CPEB1: variants seen among roughly 807,000 people sequenced by gnomAD.
CPEB1 encodes cytoplasmic polyadenylation element-binding protein 1.
CPEB1 carries 7 observed loss-of-function variants against 65.8 expected under a neutral mutation model. That is an observed-to-expected ratio of 0.11 (90% confidence interval 0.06 to 0.20). The LOEUF is 0.20. CPEB1 is among the 10% of genes least tolerant of loss of function. The pLI, the probability that CPEB1 is intolerant of heterozygous loss-of-function variation, is 1.00. For synonymous variants in CPEB1, 262 were observed against 260.0 expected (o/e 1.01, Z -0.08); for missense variants, 551 against 712.2 (o/e 0.77, Z 2.58).
chr15:82,576,065 C>A (rs1261846823), intron 3 of CPEB1, among the ~76,000 whole-genome samples: 1 of 152,146 alleles, frequency 6.6e-6, no homozygotes, highest in South Asian at 2.1e-4. Flanking sequence ...ATCACCCAAA[C>A]GTGGATTCAG....
At chr15:82,629,201 T>C (rs1453918607) in intron 1 of CPEB1, 6 of 920,328 alleles carry the variant, frequency 6.5e-6, no homozygotes, top group Middle Eastern at 5.5e-4. Flanking sequence ...GTTTCCCCAT[T>C]TGTGAAATGG....
intron 1 of CPEB1, chr15:82,629,671 G>A: frequency 3.0e-6 from 3 of 984,658 alleles, no homozygotes; most frequent in Non-Finnish European, 3.6e-6. Context: ...TGCCTCATCA[G>A]TTCTATTATC....
intron 4 of CPEB1, chr15:82,562,192 G>GT: frequency 2.3e-6 from 1 of 443,174 alleles, no homozygotes; most frequent in South Asian, 1.6e-5. Context: ...CTTCACATCT[G>GT]TTTGTCTTCA....
chr15:82,617,878 C>T (rs1312906871), intron 3 of CPEB1, among the ~76,000 whole-genome samples: 2 of 146,528 alleles, frequency 1.4e-5, no homozygotes, highest in East Asian at 2.0e-4. Flanking sequence ...GGACTACAGG[C>T]GCCCGCCACT....
chr15:82,549,230 G>A (rs567704509), intron 10 of CPEB1, among the ~76,000 whole-genome samples: 1 of 152,326 alleles, frequency 6.6e-6, no homozygotes, highest in African/African-American at 2.4e-5. Flanking sequence ...ATCACCTCCT[G>A]TAGTCTCCAA....
chr15:82,589,082 T>C (rs1480971728), intron 3 of CPEB1, among the ~76,000 whole-genome samples: 1 of 152,242 alleles, frequency 6.6e-6, no homozygotes, highest in Non-Finnish European at 1.5e-5. Flanking sequence ...ATTTTGTCTC[T>C]ATTATTACCA....
rs1157255592 is a variant in CPEB1, at chr15:82,628,441, T to C, written c.19A>G (p.Thr7Ala). 2.8e-6 allele frequency: 2 copies of C among 702,798 alleles called. No homozygotes were observed. The highest frequency in any genetic ancestry group is 3.5e-5 in the African/African-American group (2 of 57,236). The allele number at this position is 702,798 out of a possible 1,614,324, so 43.5% of individuals were successfully genotyped here. ...CCAGACATGGAAGACGATGTTGAAGTAGCAATGCCAGAAAACATATTGACA... is the reference window on the plus strand; with the variant it reads ...CCAGACATGGAAGACGATGTTGAAGCAGCAATGCCAGAAAACATATTGACA... MFSGIA[T>A]STSSSMSGTG... Residue 7 changes from threonine to alanine, a missense_variant, in exon 2 of 13, where the codon ACT becomes GCT. Coordinates refer to ENST00000684509, the MANE Select transcript of CPEB1 (RefSeq NM_001365242.1).
rs1441178936 is a variant in CPEB1 at position 82,544,399 on chromosome 15, C to T, written c.*193G>A. On this transcript the variant is annotated 3_prime_UTR_variant, in exon 13 of 13. Transcript: ENST00000684509. ...TTGCCCTTGGTACACCCCCTGAAAA[C>T]AAAACCTGACAAAACTCAATGTGCA... is the stretch of plus-strand genomic sequence containing the variant. The T allele has an allele frequency of 4.8e-6, 2 of 414,894 alleles. No homozygotes were observed. Among genetic ancestry groups the T allele is most frequent in the Non-Finnish European group, 8.8e-6 (2 of 226,732 alleles). 25.7% of individuals were successfully genotyped at this position (414,894 alleles called of 1,614,324 possible). A position where few individuals can be genotyped will look rare whatever the true frequency, so the allele number is the denominator to read the frequency against.
intron 8 of CPEB1, among the ~76,000 whole-genome samples, chr15:82,553,250 T>G (rs2036589440): frequency 6.6e-6 from 1 of 152,176 alleles, no homozygotes; most frequent in Admixed American, 6.5e-5. Flanking sequence ...CTCCCACTGC[T>G]GTGTAAGTCT....
In CPEB1 at chr15:82,553,958, T is replaced by G; in HGVS notation, c.974A>C (p.Gln325Pro). ...VNEATCTWSG[Q>P]LPPRNYKNPI... Reference sequence around the variant, plus strand: ...GTTCTTATAGTTCCGGGGAGGAAGCTGGCCACTCCAGGTACAGGTGGCTTC... The same window carrying G: ...GTTCTTATAGTTCCGGGGAGGAAGCGGGCCACTCCAGGTACAGGTGGCTTC... Residue 325 changes from glutamine (Q) to proline (P), a missense_variant, in exon 7 of 13, where the codon CAG (glutamine) becomes CCG (proline). Physicochemically the swap from Gln to Pro is moderately conservative, Grantham distance 76. Around this residue, in one of 6 missense-constraint regions of CPEB1, gnomAD observed 128 missense variants for 129.1 expected, o/e 0.99. Coordinates refer to ENST00000684509, the MANE Select transcript of CPEB1 (RefSeq NM_001365242.1). 1 of 1,611,814 alleles carries G rather than the reference T, an allele frequency of 6.2e-7. No homozygotes were observed. Among genetic ancestry groups the G allele is most frequent in the Non-Finnish European group, 8.5e-7 (1 of 1,179,206 alleles).
At chr15:82,557,634 C>T in intron 5 of CPEB1, 126 bp downstream of exon 5, 2 of 751,572 alleles carry the variant, frequency 2.7e-6, no homozygotes, top group East Asian at 2.5e-5. Flanking sequence ...TCCACTCCTC[C>T]CCTCATCCCA....
At chr15:82,607,616 C>T (rs1055037932) in intron 3 of CPEB1, among the ~76,000 whole-genome samples, 2 of 151,876 alleles carry the variant, frequency 1.3e-5, no homozygotes, top group African/African-American at 4.8e-5. Flanking sequence ...ACAAAAGACA[C>T]AAATAGGTTG....
intron 3 of CPEB1, among the ~76,000 whole-genome samples, chr15:82,613,687 C>T (rs936854592): frequency 2.0e-5 from 3 of 152,292 alleles, no homozygotes; most frequent in African/African-American, 7.2e-5. Flanking sequence ...AGCCTCTTGG[C>T]AAAGTCTGAA....
At chr15:82,559,682 C>A (rs1339418312) in intron 4 of CPEB1, among the ~76,000 whole-genome samples, 1 of 152,154 alleles carries the variant, frequency 6.6e-6, no homozygotes, top group Non-Finnish European at 1.5e-5. Context: ...TTTGAAATTG[C>A]CTTTTGAAGC....
At chr15:82,551,087 AG>A (rs1352186210) in intron 9 of CPEB1, among the ~76,000 whole-genome samples, 6 of 152,176 alleles carry the variant, frequency 3.9e-5, no homozygotes, top group African/African-American at 1.4e-4. Flanking sequence ...AGACTACACA[AG>A]CTCCAGAGAA....
chr15:82,547,069 G>C (rs942760506), intron 11 of CPEB1, 74 bp downstream of exon 11: 59 of 996,182 alleles, frequency 5.9e-5, no homozygotes, highest in Non-Finnish European at 8.0e-5. Context: ...TCAGGTCTCA[G>C]GCCTGCCCTG....
intron 3 of CPEB1, among the ~76,000 whole-genome samples, chr15:82,605,484 T>C (rs1186510713): frequency 6.6e-6 from 1 of 152,144 alleles, no homozygotes; most frequent in Non-Finnish European, 1.5e-5. Flanking sequence ...ACGGTAACTA[T>C]AGTTGTATAG....
intron 3 of CPEB1, among the ~76,000 whole-genome samples, chr15:82,604,800 T>C (rs1197609004): frequency 6.6e-6 from 1 of 151,772 alleles, no homozygotes; most frequent in Non-Finnish European, 1.5e-5. Flanking sequence ...GATACACATA[T>C]TAGAAGTCCC....
At chr15:82,612,030 G>A (rs2044206120) in intron 3 of CPEB1, among the ~76,000 whole-genome samples, 1 of 150,940 alleles carries the variant, frequency 6.6e-6, no homozygotes, top group South Asian at 2.1e-4. Context: ...CTAACACGGT[G>A]AAACCCTGTC....
Sources: allele counts gnomAD v4.1 joint callset (sites outside exome capture counted in the v4.1 genomes callset), GRCh38; gene constraint gnomAD v4.1.1; regional missense constraint gnomAD v4.1.1; transcripts MANE v1.5; gene names NCBI Gene and HGNC (gene_info 2026-07-23, HGNC 2026-07-21).